TDRD3: variants seen among roughly 807,000 people sequenced by gnomAD.
TDRD3 encodes tudor domain-containing protein 3.
A neutral mutation model predicts 86.7 loss-of-function variants in TDRD3; 45 were observed. That is an observed-to-expected ratio of 0.52 (90% CI 0.41 to 0.67). The LOEUF is 0.67. Among genes scored for constraint, TDRD3 ranks in the 30% least tolerant of loss-of-function variants. TDRD3 has a pLI of 0.00. For missense variants in TDRD3, 814 were observed against 889.0 expected (o/e 0.92, Z 1.07); for synonymous variants, 298 against 301.7 (o/e 0.99, Z 0.13).
rs1427916303 is a variant in TDRD3, at chr13:60,485,841, C to T, written c.610C>T (p.Arg204Ter). The T allele has an allele frequency of 2.5e-6, 4 of 1,606,840 alleles. No individual in the cohort carries two copies. The highest frequency in any genetic ancestry group is 3.4e-6 in the Non-Finnish European group (4 of 1,176,806). The change falls in exon 7 of 14, where the codon CGA (arginine) becomes TGA (stop). Residue 204 changes from arginine to a stop codon, truncating the protein, a stop_gained. Transcript: ENST00000377881. LOFTEE classifies it high-confidence loss of function. ...CCAAGTGGATAGCAGAGAACTTGAT[C>T]GAAGAAAAACATTGCAAGTTACAAT... ...HVQVDSRELDRRKTLQVTMPV... is the reference protein window; with the variant it reads ...HVQVDSRELD
At chr13:60,551,896 T>A (rs1595107752) in intron 12 of TDRD3, among the ~76,000 whole-genome samples, 1 of 152,256 alleles carries the variant, frequency 6.6e-6, no homozygotes, top group Non-Finnish European at 1.5e-5. Flanking sequence ...AGAACTCACT[T>A]GCTATCATGA....
chr13:60,529,813 G>C (rs1595076582), intron 11 of TDRD3, among the ~76,000 whole-genome samples: 1 of 152,070 alleles, frequency 6.6e-6, no homozygotes, highest in South Asian at 2.1e-4. Context: ...AAATTGTAGG[G>C]GAAAGAAGGA....
At chr13:60,556,535 T>C (rs1340994680) in intron 12 of TDRD3, among the ~76,000 whole-genome samples, 2 of 152,186 alleles carry the variant, frequency 1.3e-5, no homozygotes, top group Non-Finnish European at 2.9e-5. Flanking sequence ...GATCTGGGAA[T>C]AGATTGTAAG....
At chr13:60,413,954 CTG>C (rs1225725144) in intron 1 of TDRD3, among the ~76,000 whole-genome samples, 1 of 152,092 alleles carries the variant, frequency 6.6e-6, no homozygotes, top group African/African-American at 2.4e-5. Context: ...AGAGAGGAAA[CTG>C]TCAATATTCA....
At chr13:60,450,115 T>C (rs1249100019) in intron 3 of TDRD3, among the ~76,000 whole-genome samples, 2 of 152,166 alleles carry the variant, frequency 1.3e-5, no homozygotes, top group African/African-American at 4.8e-5. Context: ...TAAACTATTA[T>C]AGCCTTCCCT....
At chr13:60,448,223 G>C (rs1955453170) in intron 3 of TDRD3, among the ~76,000 whole-genome samples, 1 of 152,118 alleles carries the variant, frequency 6.6e-6, no homozygotes, top group Non-Finnish European at 1.5e-5. Context: ...AAGATTGTAA[G>C]TCTGCAGTTA....
intron 1 of TDRD3, among the ~76,000 whole-genome samples, chr13:60,414,059 T>C (rs1180752997): frequency 6.6e-6 from 1 of 152,180 alleles, no homozygotes; most frequent in Non-Finnish European, 1.5e-5. Context: ...AGTATTTGCC[T>C]TATATTTTTA....
intron 12 of TDRD3, chr13:60,547,276 C>T (rs1458356450): frequency 1.0e-6 from 1 of 985,354 alleles, no homozygotes; most frequent in African/African-American, 1.7e-5. Context: ...TGTGCTTTAT[C>T]CTGAAAGGAT....
intron 3 of TDRD3, among the ~76,000 whole-genome samples, chr13:60,453,870 A>G (rs1288019878): frequency 6.6e-6 from 1 of 152,130 alleles, no homozygotes; most frequent in Non-Finnish European, 1.5e-5. Flanking sequence ...TGTTCATGAT[A>G]TAAAAGACAA....
chr13:60,481,746 GATGGTT>G (rs1204190768), intron 5 of TDRD3, among the ~76,000 whole-genome samples: 1 of 152,080 alleles, frequency 6.6e-6, no homozygotes, highest in Admixed American at 6.6e-5. Flanking sequence ...TAAATTTTCA[GATGGTT>G]ATGGTCACAT....
chr13:60,447,717 C>T (rs1276809540), intron 3 of TDRD3, among the ~76,000 whole-genome samples: 1 of 152,096 alleles, frequency 6.6e-6, no homozygotes, highest in Admixed American at 6.5e-5. Flanking sequence ...AGCTAAAACC[C>T]CTTCTCTGAC....
At chr13:60,500,275 T>C (rs1320787534) in intron 8 of TDRD3, among the ~76,000 whole-genome samples, 1 of 152,176 alleles carries the variant, frequency 6.6e-6, no homozygotes, top group Admixed American at 6.5e-5. Flanking sequence ...ACAGCAGCAT[T>C]CCATTATCAA....
intron 4 of TDRD3, among the ~76,000 whole-genome samples, chr13:60,465,411 G>T (rs1484063194): frequency 6.6e-6 from 1 of 152,138 alleles, no homozygotes; most frequent in East Asian, 1.9e-4. Flanking sequence ...GTAATAGATG[G>T]TTACTACATT....
intron 3 of TDRD3, 47 bp from the exon 4 acceptor site, chr13:60,460,331 TAG>T (rs751557211): frequency 1.3e-6 from 2 of 1,496,610 alleles, no homozygotes; most frequent in East Asian, 2.6e-5. Context: ...CAGCCCTGAA[TAG>T]AGTTTCATGA....
At chr13:60,459,579 G>T (rs1433922567) in intron 3 of TDRD3, among the ~76,000 whole-genome samples, 2 of 152,164 alleles carry the variant, frequency 1.3e-5, no homozygotes, top group African/African-American at 4.8e-5. Flanking sequence ...TGTATACCAG[G>T]AGAGGGAGCA....
chr13:60,469,468 T>C (rs891299219), intron 5 of TDRD3, among the ~76,000 whole-genome samples: 1 of 151,724 alleles, frequency 6.6e-6, no homozygotes, highest in Non-Finnish European at 1.5e-5. Flanking sequence ...AGTTTAGTAG[T>C]AGTTTAATAG....
intron 3 of TDRD3, among the ~76,000 whole-genome samples, chr13:60,445,467 A>G (rs1467601225): frequency 6.6e-6 from 1 of 151,986 alleles, no homozygotes; most frequent in Non-Finnish European, 1.5e-5. Flanking sequence ...TTTCATCTCT[A>G]TTGTTCTTAG....
intron 1 of TDRD3, among the ~76,000 whole-genome samples, chr13:60,399,029 A>G (rs1381497310): frequency 6.6e-6 from 1 of 152,200 alleles, no homozygotes; most frequent in Admixed American, 6.5e-5. Context: ...TCCTTTGGAA[A>G]GATTAGTCTC....
At chr13:60,412,080 A>G (rs1374726043) in intron 1 of TDRD3, among the ~76,000 whole-genome samples, 1 of 152,188 alleles carries the variant, frequency 6.6e-6, no homozygotes, top group Non-Finnish European at 1.5e-5. Flanking sequence ...GGCCTAGCTC[A>G]GTGACTCTCA....
Sources: gnomAD v4.1 joint callset for allele counts (sites outside exome capture counted in the v4.1 genomes callset) on GRCh38, gnomAD v4.1.1 for gene constraint, MANE v1.5 for transcripts, NCBI Gene and HGNC (gene_info 2026-07-23, HGNC 2026-07-21) for gene names.